Variants in NT5C1B observed in about 807,000 individuals in gnomAD.
NT5C1B encodes cytosolic 5'-nucleotidase 1B.
Under a neutral mutation model 57.8 loss-of-function variants are expected in NT5C1B, and 44 were observed. That is an observed-to-expected ratio of 0.76 (90% CI 0.60 to 0.98). The LOEUF is 0.98. NT5C1B is among the 50% of genes least tolerant of loss of function. The pLI is 0.00. For synonymous variants in NT5C1B, 284 were observed against 282.6 expected (o/e 1.00, Z -0.05); for missense variants, 742 against 719.5 (o/e 1.03, Z -0.36).
chr2:18,571,718 GTA>G (rs59799495), intron 8 of NT5C1B, among the ~76,000 whole-genome samples: 3,102 of 110,560 alleles, frequency 0.028, 57 homozygotes, highest in East Asian at 0.04. Context: ...CTGTGTGTGT[GTA>G]TATATATATA....
intron 8 of NT5C1B, among the ~76,000 whole-genome samples, chr2:18,564,973 A>C (rs879762925): frequency 2.0e-5 from 3 of 152,172 alleles, no homozygotes; most frequent in South Asian, 4.1e-4. Context: ...TATTCTTCAT[A>C]ATGAGAAATA....
intron 3 of NT5C1B, chr2:18,585,250 G>T (rs933697779): frequency 1.4e-6 from 1 of 719,720 alleles, no homozygotes; most frequent in Non-Finnish European, 2.6e-6. Flanking sequence ...ATAGGACCCA[G>T]TCCTCTTCCT....
rs200906490 is a variant in NT5C1B, at chr2:18,584,600, C to T, written c.637G>A (p.Glu213Lys). The stretch of plus-strand genomic sequence containing the variant: ...GCAGCCTCGTAGTCGTCCTCGTCCT[C>T]CCGCTGCTGCTGCTGCTGCTCGGAC... The change falls in exon 4 of 9, where the codon GAG becomes AAG. Residue 213 changes from glutamate to lysine, a missense_variant. Physicochemically the swap from Glu to Lys is moderately conservative, Grantham distance 56. Transcript: ENST00000304081. The surrounding 1 kb of genome is among the most constrained non-coding windows in gnomAD (Gnocchi z 5.8). The T allele has an allele frequency of 6.2e-6, 10 of 1,612,708 alleles. No individual in the cohort carries two copies. Among genetic ancestry groups the T allele is most frequent in the African/African-American group, 1.3e-5 (1 of 75,012 alleles).
intron 5 of NT5C1B, chr2:18,583,809 C>T (rs980707492): frequency 1.6e-5 from 10 of 618,350 alleles, no homozygotes; most frequent in Non-Finnish European, 2.8e-5. Flanking sequence ...TCTTAGCACT[C>T]CTTCGAGGGA....
Position 18,584,662 on chromosome 2 carries a change from A to AT in NT5C1B, c.574dup (p.Ile192AsnfsTer92). ...GTCCAGCTGGGTGGAGGCGGGGTAG[A>AT]TCCCCCTGCGCTGGCTGGAGGACTT... On this transcript the variant is annotated frameshift_variant, in exon 4 of 9. Transcript: ENST00000304081. LOFTEE classifies it high-confidence loss of function. This position sits in a 1 kb window ranked among gnomAD's most constrained non-coding sequence, Gnocchi z 5.8. 6.2e-7 allele frequency: 1 copy of AT among 1,612,398 alleles called. No individual in the cohort carries two copies. The highest frequency in any genetic ancestry group is 8.5e-7 in the Non-Finnish European group (1 of 1,179,308).
intron 6 of NT5C1B, among the ~76,000 whole-genome samples, chr2:18,578,260 A>G (rs1665882750): frequency 6.6e-6 from 1 of 152,140 alleles, no homozygotes; most frequent in Non-Finnish European, 1.5e-5. Context: ...CTCCTCCCTG[A>G]CTCATTTTAT....
At chr2:18,571,897 G>C (rs1167214663) in intron 8 of NT5C1B, among the ~76,000 whole-genome samples, 1 of 150,102 alleles carries the variant, frequency 6.7e-6, no homozygotes, top group Non-Finnish European at 1.5e-5. Flanking sequence ...AGACCAGCCT[G>C]GCCAATATGG....
chr2:18,589,048 CT>C (rs1666968518), intron 1 of NT5C1B, among the ~76,000 whole-genome samples: 1 of 152,086 alleles, frequency 6.6e-6, no homozygotes. Context: ...TTCCTTGTGT[CT>C]TTTGTACATA....
chr2:18,568,112 ACACACACACACACT>A, intron 8 of NT5C1B, among the ~76,000 whole-genome samples: 1 of 149,082 alleles, frequency 6.7e-6, no homozygotes, highest in African/African-American at 2.6e-5. Context: ...ACACACACAC[ACACACACACACACT>A]CCCCTCTCAT....
At chr2:18,581,431 C>G (rs2148152023) in intron 6 of NT5C1B, among the ~76,000 whole-genome samples, 1 of 151,816 alleles carries the variant, frequency 6.6e-6, no homozygotes, top group South Asian at 2.1e-4. Flanking sequence ...ATAAAATATT[C>G]AGAGGTTTTT....
At position 18,584,649 on chromosome 2, in the gene NT5C1B, G is replaced by A. The variant is rs377296218; in HGVS notation, c.588C>T (p.Ser196=). 1.2e-6 allele frequency: 2 copies of A among 1,613,100 alleles called. No homozygotes were observed. Among genetic ancestry groups the A allele is most frequent in the Non-Finnish European group, 1.7e-6 (2 of 1,179,710 alleles). The change falls in exon 4 of 9, where the codon TCC becomes TCT. Residue 196 remains serine (S), a synonymous_variant. Coordinates refer to ENST00000304081, the Ensembl canonical transcript of NT5C1B. This position sits in a 1 kb window ranked among gnomAD's most constrained non-coding sequence, Gnocchi z 5.8. ...ACAGAGAGTTGCGGTCCAGCTGGGT[G>A]GAGGCGGGGTAGATCCCCCTGCGCT...
chr2:18,577,945 C>T (rs985252569), intron 6 of NT5C1B, among the ~76,000 whole-genome samples: 1 of 152,096 alleles, frequency 6.6e-6, no homozygotes, highest in Admixed American at 6.5e-5. Context: ...ACCAACCCCA[C>T]AGAAATAGTA....
intron 8 of NT5C1B, among the ~76,000 whole-genome samples, chr2:18,569,244 C>T (rs966670052): frequency 6.6e-6 from 1 of 151,832 alleles, no homozygotes; most frequent in Non-Finnish European, 1.5e-5. Context: ...TTAAATGAGT[C>T]ATAAGCCAAT....
At chr2:18,580,266 A>G (rs1666065494) in intron 6 of NT5C1B, among the ~76,000 whole-genome samples, 1 of 152,214 alleles carries the variant, frequency 6.6e-6, no homozygotes, top group Non-Finnish European at 1.5e-5. Context: ...CATTTGACCC[A>G]GCAATCCCAT....
rs1490088404 is a variant in NT5C1B at position 18,584,056 on chromosome 2, T to C, written c.891+32A>G. On this transcript the variant is annotated intron_variant, in intron 5 of 8. Transcript: ENST00000304081. The surrounding 1 kb of genome is among the most constrained non-coding windows in gnomAD (Gnocchi z 5.8). Reference sequence around the variant, plus strand: ...TGGGTCCCTCCCTCGCCATCGAGTGTCCTGGCGGGCCAAAGACAGCTTGCA... The same window carrying C: ...TGGGTCCCTCCCTCGCCATCGAGTGCCCTGGCGGGCCAAAGACAGCTTGCA... 1 of 1,614,172 alleles carries C rather than the reference T, an allele frequency of 6.2e-7. No individual in the cohort carries two copies. Among genetic ancestry groups the C allele is most frequent in the Non-Finnish European group, 8.5e-7 (1 of 1,180,020 alleles).
At chr2:18,586,597 G>A (rs1408738018) in intron 2 of NT5C1B, 7 of 802,196 alleles carry the variant, frequency 8.7e-6, no homozygotes, top group Non-Finnish European at 1.3e-5. Flanking sequence ...GCATCTATGT[G>A]GGGGTCCACT....
At chr2:18,586,441 C>T (rs763587992) in intron 2 of NT5C1B, 50 bp from the exon 3 acceptor site, 1 of 1,604,006 alleles carries the variant, frequency 6.2e-7, no homozygotes, top group African/African-American at 1.3e-5. Flanking sequence ...TCACCAACTC[C>T]TTCTATACGT....
chr2:18,579,696 C>T (rs1026352735), intron 6 of NT5C1B, among the ~76,000 whole-genome samples: 13 of 152,040 alleles, frequency 8.6e-5, no homozygotes, highest in Non-Finnish European at 1.9e-4. Flanking sequence ...AGAGGAAAAC[C>T]TAGGAAATAC....
chr2:18,575,772 C>A (rs960588835), intron 8 of NT5C1B, among the ~76,000 whole-genome samples: 4 of 152,124 alleles, frequency 2.6e-5, no homozygotes, highest in Admixed American at 6.6e-5. Context: ...TTAAGCGATG[C>A]CTTTCTTGAG....
Sources: allele counts gnomAD v4.1 joint callset (sites outside exome capture counted in the v4.1 genomes callset), GRCh38; gene constraint gnomAD v4.1.1; non-coding constraint Gnocchi (gnomAD v3.1); transcripts MANE v1.5; gene names NCBI Gene and HGNC (gene_info 2026-07-23, HGNC 2026-07-21).